Variants in MICALL2 observed in about 807,000 individuals in gnomAD.
MICALL2 encodes the protein MICAL-like protein 2.
Under a neutral mutation model 91.1 loss-of-function variants are expected in MICALL2, and 111 were observed. The observed-to-expected ratio is 1.22, with a 90% CI of 1.04 to 1.43. The LOEUF (loss-of-function observed/expected upper bound fraction) is 1.43, where lower values mean the gene tolerates loss of function less well. MICALL2 is among the 40% of genes most tolerant of loss of function. The probability of loss-of-function intolerance (pLI) is 0.00; values close to 1 mark genes in which losing one functional copy is unlikely to be tolerated. For missense variants in MICALL2, 1,556 were observed against 1,236.0 expected (o/e 1.26, Z -3.88); for synonymous variants, 694 against 525.3 (o/e 1.32, Z -4.39).
chr7:1,458,488 C>T (rs1051785176), intron 1 of MICALL2, among the ~76,000 whole-genome samples: 1 of 152,252 alleles, frequency 6.6e-6, no homozygotes, highest in Admixed American at 6.5e-5. Flanking sequence ...AGAGCGTTTG[C>T]TGAGTGAATA....
chr7:1,438,720 G>A (rs1447438127), intron 10 of MICALL2, 120 bp downstream of exon 10: 2 of 1,492,450 alleles, frequency 1.3e-6, no homozygotes, highest in African/African-American at 2.8e-5. Flanking sequence ...CTTCCTCCAG[G>A]CTTTCCCTCC....
At position 1,434,935 on chromosome 7, in the gene MICALL2, G is replaced by T. The variant is rs570505428; in HGVS notation, c.2638+166C>A. On this transcript the variant is annotated intron_variant, in intron 16 of 16. Transcript: ENST00000297508. ...GGCGGGAGGGAGCTCTCACCCTCAG[G>T]GTGAACCTGCCTGTCCTGTCACCAA... 6.3e-4 allele frequency: 515 copies of T among 816,520 alleles called. 2 individuals are homozygous for T. The highest frequency in any genetic ancestry group is 9.3e-4 in the Non-Finnish European group (475 of 512,852). 50.6% of individuals were successfully genotyped at this position (816,520 alleles called of 1,614,324 possible).
chr7:1,451,362 G>A lies in MICALL2; in HGVS notation c.144-1074C>T, dbSNP rs1439491174. Among the ~76,000 whole-genome samples, 1 of 152,122 alleles carries A rather than the reference G, an allele frequency of 6.6e-6. No homozygotes were observed. The highest frequency in any genetic ancestry group is 2.4e-5 in the African/African-American group (1 of 41,424). On this transcript the variant is annotated intron_variant, in intron 1 of 16. Transcript: ENST00000297508. This position sits in a 1 kb window ranked among gnomAD's most constrained non-coding sequence, Gnocchi z 4.5. ...ACGGGCTGCGGCTTCTGGGAGGGAG[G>A]GTTGGTTAAATCATGATCTGGAAGC... is the stretch of plus-strand genomic sequence containing the variant.
intron 9 of MICALL2, chr7:1,439,508 G>T (rs1004828948): frequency 5.1e-6 from 1 of 194,488 alleles, no homozygotes; most frequent in Admixed American, 6.0e-5. Context: ...GGGCACACAT[G>T]CATCACATAC....
rs375192105 is a variant in MICALL2, at chr7:1,446,814, C to T, written c.540G>A (p.Ala180=). ...CGCAGGTGCTGCTGACCAAGCTGCC[C>T]GCCAATGCCTGGTCCTGGGGAAGAT... The part of the protein sequence containing the change: ...GPPPKTDQAL[A]GSLVSSTCGV... Residue 180 remains alanine, a synonymous_variant, in exon 5 of 17, where the codon GCG becomes GCA. Transcript: ENST00000297508. The T allele has an allele frequency of 4.4e-5, 70 of 1,595,100 alleles. 1 individual carries two copies. The highest frequency in any genetic ancestry group is 1.0e-4 in the South Asian group (9 of 88,266).
chr7:1,443,191 GC>G (rs901342858), intron 6 of MICALL2, among the ~76,000 whole-genome samples: 1 of 144,218 alleles, frequency 6.9e-6, no homozygotes, highest in African/African-American at 2.6e-5. Context: ...AGCCACACAT[GC>G]CCCCCGCCCC....
intron 9 of MICALL2, chr7:1,439,630 C>T: frequency 2.9e-6 from 1 of 342,044 alleles, no homozygotes; most frequent in Non-Finnish European, 5.3e-6. Flanking sequence ...TGAACAGACA[C>T]ATGGACATGC....
In MICALL2 at chr7:1,444,679, T is replaced by C; in HGVS notation, c.1391A>G (p.Glu464Gly). Residue 464 changes from glutamate to glycine, a missense_variant, in exon 6 of 17, where the codon GAA (glutamate) becomes GGA (glycine). Glu to Gly is a moderately conservative substitution (Grantham distance 98, BLOSUM62 -2). Coordinates refer to ENST00000297508, the MANE Select transcript of MICALL2 (RefSeq NM_182924.4). ...NFLKQALSAL[E>G]EAGAPAPGRP... ...GCCAGGCGCCGGAGCGCCAGCCTCT[T>C]CCAGCGCTGAGAGGGCCTGCTTGAG... 6.2e-7 allele frequency: 1 copy of C among 1,611,774 alleles called. No homozygotes were observed. The highest frequency in any genetic ancestry group is 1.1e-5 in the South Asian group (1 of 91,062).
At chr7:1,434,739 T>C (rs1779882517) in intron 16 of MICALL2, 67 bp from the exon 17 acceptor site, 2 of 1,437,246 alleles carry the variant, frequency 1.4e-6, no homozygotes, top group Middle Eastern at 3.9e-4. Context: ...CCCACACAAG[T>C]CCCCCTGCCA....
intron 8 of MICALL2, 71 bp from the exon 9 acceptor site, chr7:1,440,156 A>AGCT: frequency 6.5e-7 from 1 of 1,542,954 alleles, no homozygotes; most frequent in Non-Finnish European, 8.6e-7. Context: ...AGGGGCTCCC[A>AGCT]GGCCATATGC....
chr7:1,438,005 A>T (rs374482977), intron 12 of MICALL2, 25 bp from the exon 13 acceptor site: 2 of 1,550,138 alleles, frequency 1.3e-6, no homozygotes, highest in Non-Finnish European at 1.7e-6. Flanking sequence ...CAGCTGGGGC[A>T]GGGGGGCCCG....
chr7:1,437,271 C>A, intron 14 of MICALL2: 1 of 522,890 alleles, frequency 1.9e-6, no homozygotes, highest in Non-Finnish European at 3.3e-6. Context: ...TTCGTTTAAT[C>A]CTCACAACAG....
rs1281175723 is a variant in MICALL2, at chr7:1,452,892, C to A, written c.144-2604G>T. Among the ~76,000 whole-genome samples, 1 of 152,122 alleles carries A rather than the reference C, an allele frequency of 6.6e-6. No individual in the cohort carries two copies. Among genetic ancestry groups the A allele is most frequent in the Non-Finnish European group, 1.5e-5 (1 of 68,010 alleles). On this transcript the variant is annotated intron_variant, in intron 1 of 16. Transcript: ENST00000297508. The surrounding 1 kb of genome is among the most constrained non-coding windows in gnomAD (Gnocchi z 6.2). ...CAGCCACCACCCATCCTGCCCCAAG[C>A]TCCTTCCCCAGGGCCGGCCCTCCAG...
In MICALL2 at chr7:1,446,513, G is replaced by C. The variant is rs1328143381; in HGVS notation, c.641+200C>G. 53 of 525,036 alleles carry C rather than the reference G, an allele frequency of 1.0e-4. No homozygotes were observed. The East Asian group carries it at 1.8e-3, about 18-fold the overall frequency. The allele number at this position is 525,036 out of a possible 1,614,324, so 32.5% of individuals were successfully genotyped here. A position where few individuals can be genotyped will look rare whatever the true frequency, so the allele number is the denominator to read the frequency against. The stretch of plus-strand genomic sequence containing the variant: ...GGAGGATGGGAAGGAAAGTGAAAGG[G>C]AGAAGAGGGAGAAGGGGAGGAGAGG... On this transcript the variant is annotated intron_variant, in intron 5 of 16. Coordinates refer to ENST00000297508, the MANE Select transcript of MICALL2 (RefSeq NM_182924.4).
At position 1,442,389 on chromosome 7, in the gene MICALL2, G is replaced by A. The variant is rs768178787; in HGVS notation, c.1514C>T (p.Pro505Leu). Residue 505 changes from proline (P) to leucine (L), a missense_variant, in exon 7 of 17, where the codon CCC (proline) becomes CTC (leucine). By Grantham distance (98) the Pro-to-Leu change is moderately conservative. Transcript: ENST00000297508. ...PLAKPLQSSS[P>L]RVLGLPSRME... ...CCTCGAAGGGAGGCCAAGCACCCGG[G>A]GAGACGAGGACTGTAACGGCTTGGC... The A allele has an allele frequency of 1.2e-6, 2 of 1,608,308 alleles. No homozygotes were observed. Among genetic ancestry groups the A allele is most frequent in the Non-Finnish European group, 8.5e-7 (1 of 1,176,840 alleles).
At chr7:1,447,425 G>A (rs932618984) in intron 4 of MICALL2, 150 bp downstream of exon 4, 10 of 556,880 alleles carry the variant, frequency 1.8e-5, no homozygotes, top group Admixed American at 6.6e-5. Context: ...CGGTCCTGGC[G>A]GCTCTTGCTA....
rs376668275 is a variant in MICALL2, at chr7:1,457,429, C to G, written c.143+1755G>C. Among the ~76,000 whole-genome samples the G allele has an allele frequency of 1.1e-4, 17 of 152,342 alleles. No individual in the cohort carries two copies. The East Asian group carries it at 2.5e-3, about 22-fold the overall frequency. On this transcript the variant is annotated intron_variant, in intron 1 of 16. Transcript: ENST00000297508. ...TCCCGCCTCCTTCCTGTTCTGGCCT[C>G]TGCACTCTCTGGAGCCACCCTGGGC...
At chr7:1,449,402 C>G (rs1339656635) in intron 2 of MICALL2, among the ~76,000 whole-genome samples, 2 of 152,220 alleles carry the variant, frequency 1.3e-5, no homozygotes, top group Non-Finnish European at 2.9e-5. Flanking sequence ...CTCCACCTTC[C>G]GGATTCAAGC....
At chr7:1,441,068 C>T (rs1012102141) in intron 7 of MICALL2, 4 of 247,588 alleles carry the variant, frequency 1.6e-5, no homozygotes, top group Admixed American at 9.5e-5. Flanking sequence ...GGATCCAGCG[C>T]GTGGCTTTAA....
Sources: gnomAD v4.1 joint callset for allele counts (sites outside exome capture counted in the v4.1 genomes callset) on GRCh38, gnomAD v4.1.1 for gene constraint, Gnocchi (gnomAD v3.1) non-coding constraint, MANE v1.5 for transcripts, NCBI Gene and HGNC (gene_info 2026-07-23, HGNC 2026-07-21) for gene names.